Variants in PSKH1 observed in about 807,000 individuals in gnomAD.
The protein encoded by PSKH1 is serine/threonine-protein kinase H1.
In PSKH1, 12 loss-of-function variants were observed where a neutral mutation model predicts 26.7. The ratio of observed to expected loss-of-function variants is 0.45; its 90% CI spans 0.29 to 0.73. The LOEUF is 0.73. Among genes scored for constraint, PSKH1 ranks in the 30% least tolerant of loss-of-function variants. The probability of loss-of-function intolerance (pLI) is 0.11; values close to 1 mark genes in which losing one functional copy is unlikely to be tolerated. For missense variants in PSKH1, 431 were observed against 595.2 expected, an observed-to-expected ratio of 0.72 and a Z score of 2.87; for synonymous variants, 213 against 234.3, an observed-to-expected ratio of 0.91 and a Z score of 0.83.
intron 2 of PSKH1, among the ~76,000 whole-genome samples, chr16:67,915,042 T>C (rs182283275): frequency 6.6e-6 from 1 of 151,988 alleles, no homozygotes; most frequent in Non-Finnish European, 1.5e-5. Flanking sequence ...TACCTGAGGG[T>C]TGGAAAATGA....
At chr16:67,918,806 G>T (rs2058194495) in intron 2 of PSKH1, among the ~76,000 whole-genome samples, 1 of 152,052 alleles carries the variant, frequency 6.6e-6, no homozygotes, top group Admixed American at 6.6e-5. Context: ...TGGCCAGGCT[G>T]GTCTGGAACT....
At chr16:67,899,333 T>A in intron 1 of PSKH1, among the ~76,000 whole-genome samples, 1 of 143,776 alleles carries the variant, frequency 7.0e-6, no homozygotes, top group African/African-American at 2.6e-5. Context: ...CAGACCACAT[T>A]TTTTTTTTTT....
intron 1 of PSKH1, among the ~76,000 whole-genome samples, chr16:67,896,234 C>T (rs1352290324): frequency 6.6e-6 from 1 of 151,790 alleles, no homozygotes; most frequent in Non-Finnish European, 1.5e-5. Flanking sequence ...TCAGCCTCCT[C>T]AGTAGCTGGG....
chr16:67,899,323 C>T (rs915969736), intron 1 of PSKH1, among the ~76,000 whole-genome samples: 4 of 151,484 alleles, frequency 2.6e-5, no homozygotes, highest in Non-Finnish European at 5.9e-5. Flanking sequence ...ATCCAAGAGC[C>T]AGACCACATT....
In PSKH1 at chr16:67,927,633, C is replaced by G; in HGVS notation, c.1266C>G (p.Tyr422Ter). 1 of 1,603,394 alleles carries G rather than the reference C, an allele frequency of 6.2e-7. No individual in the cohort carries two copies. Residue 422 changes from tyrosine to a stop codon, truncating the protein, a stop_gained, in exon 3 of 3, where the codon TAC (tyrosine) becomes TAG (stop). Coordinates refer to ENST00000291041, the MANE Select transcript of PSKH1 (RefSeq NM_006742.3). LOFTEE classifies it high-confidence loss of function. This position sits in a 1 kb window ranked among gnomAD's most constrained non-coding sequence, Gnocchi z 5.5. ...RELNLRYQQQYNG is the reference protein window; with the variant it reads ...RELNLRYQQQ ...TCAACCTGCGCTACCAGCAGCAATA[C>G]AATGGCTGAGCCGCCTGGCTGTGCA...
Position 67,909,418 on chromosome 16 carries a change from T to C in PSKH1, c.669T>C (p.Asn223=). 1.9e-6 allele frequency: 3 copies of C among 1,613,316 alleles called. No homozygotes were observed. The highest frequency in any genetic ancestry group is 2.5e-6 in the Non-Finnish European group (3 of 1,179,962). The change falls in exon 2 of 3, where the codon AAT becomes AAC. Residue 223 remains asparagine (N), a synonymous_variant. Transcript: ENST00000291041. This position sits in a 1 kb window ranked among gnomAD's most constrained non-coding sequence, Gnocchi z 7.8. ...CACACCGAGACCTCAAACCTGAGAATCTGCTCTACTACCATCCGGGCACTG... is the reference window on the plus strand; with the variant it reads ...CACACCGAGACCTCAAACCTGAGAACCTGCTCTACTACCATCCGGGCACTG... ...GITHRDLKPE[N]LLYYHPGTDS...
At chr16:67,907,846 C>T (rs1201611796) in intron 1 of PSKH1, among the ~76,000 whole-genome samples, 1 of 152,110 alleles carries the variant, frequency 6.6e-6, no homozygotes, top group Non-Finnish European at 1.5e-5. Flanking sequence ...GGACCAACCC[C>T]TGTAGGAAGC....
chr16:67,923,534 G>A (rs192373600), intron 2 of PSKH1, among the ~76,000 whole-genome samples: 4 of 152,242 alleles, frequency 2.6e-5, no homozygotes, highest in African/African-American at 9.6e-5. Flanking sequence ...TATGGAAGCT[G>A]TTCTCTGATC....
At chr16:67,902,371 G>T (rs1470362300) in intron 1 of PSKH1, among the ~76,000 whole-genome samples, 1 of 152,050 alleles carries the variant, frequency 6.6e-6, no homozygotes, top group Non-Finnish European at 1.5e-5. Context: ...TGCGATCTCG[G>T]CTCACTGCAG....
In PSKH1 at chr16:67,927,579, C is replaced by A; in HGVS notation, c.1212C>A (p.Arg404=). 2 of 1,613,522 alleles carry A rather than the reference C, an allele frequency of 1.2e-6. No homozygotes were observed. The highest frequency in any genetic ancestry group is 1.7e-6 in the Non-Finnish European group (2 of 1,180,014). The part of the protein sequence containing the change: ...SSRSTRSNKS[R]RVRERELREL... ...GCTCCACACGCTCCAATAAGTCACG[C>A]CGTGTGCGGGAACGGGAGCTGCGGG... The change falls in exon 3 of 3, where the codon CGC becomes CGA. Residue 404 remains arginine, a synonymous_variant. Coordinates refer to ENST00000291041, the MANE Select transcript of PSKH1 (RefSeq NM_006742.3). This position sits in a 1 kb window ranked among gnomAD's most constrained non-coding sequence, Gnocchi z 5.5.
rs146186709 is a variant in PSKH1, at chr16:67,908,885, G to A, written c.136G>A (p.Gly46Ser). ...CTTCATCACAGAGGTGGACAGTGTT[G>A]GCCCTGTCAAAGCCGGGTTCCCAGC... ...KHFITEVDSV[G>S]PVKAGFPAAS... is the part of the protein sequence containing the mutation. Residue 46 changes from glycine to serine, a missense_variant, in exon 2 of 3, where the codon GGC (glycine) becomes AGC (serine). Coordinates refer to ENST00000291041, the MANE Select transcript of PSKH1 (RefSeq NM_006742.3). 1.2e-6 allele frequency: 2 copies of A among 1,614,020 alleles called. No homozygotes were observed. Among genetic ancestry groups the A allele is most frequent in the African/African-American group, 1.3e-5 (1 of 74,904 alleles).
At chr16:67,921,057 G>A (rs1261355057) in intron 2 of PSKH1, among the ~76,000 whole-genome samples, 2 of 152,010 alleles carry the variant, frequency 1.3e-5, no homozygotes, top group Non-Finnish European at 2.9e-5. Context: ...AAGGTGGGTG[G>A]CATCTGAGAT....
At chr16:67,894,718 C>T (rs564468721) in intron 1 of PSKH1, among the ~76,000 whole-genome samples, 23 of 152,288 alleles carry the variant, frequency 1.5e-4, no homozygotes, top group African/African-American at 4.8e-4. Context: ...GGCTAGCCTC[C>T]AGTAGCATTT....
intron 1 of PSKH1, among the ~76,000 whole-genome samples, chr16:67,897,964 C>T (rs569886903): frequency 1.3e-5 from 2 of 152,282 alleles, no homozygotes; most frequent in South Asian, 4.1e-4. Flanking sequence ...TCTCCTGCCT[C>T]AGCCTCCCGA....
At position 67,929,648 on chromosome 16, in the gene PSKH1, T is replaced by C; in HGVS notation, c.*2006T>C. On this transcript the variant is annotated 3_prime_UTR_variant, in exon 3 of 3. Transcript: ENST00000291041. Reference sequence around the variant, plus strand: ...CTCTGTATTCAGTAAACAGGCTGCCTCTCCAGGGAGGGCTGCCATTCATTC... The same window carrying C: ...CTCTGTATTCAGTAAACAGGCTGCCCCTCCAGGGAGGGCTGCCATTCATTC... 2 of 473,136 alleles carry C rather than the reference T, an allele frequency of 4.2e-6. No individual in the cohort carries two copies. Among genetic ancestry groups the C allele is most frequent in the Non-Finnish European group, 7.7e-6 (2 of 260,834 alleles). The allele number at this position is 473,136 out of a possible 1,614,324, so 29.3% of individuals were successfully genotyped here.
Position 67,927,528 on chromosome 16 carries a change from A to G in PSKH1, c.1161A>G (p.Lys387=). 1 of 1,614,028 alleles carries G rather than the reference A, an allele frequency of 6.2e-7. No homozygotes were observed. Among genetic ancestry groups the G allele is most frequent in the African/African-American group, 1.3e-5 (1 of 75,046 alleles). The change falls in exon 3 of 3, where the codon AAA becomes AAG. Residue 387 remains lysine, a synonymous_variant. Transcript: ENST00000291041. The surrounding 1 kb of genome is among the most constrained non-coding windows in gnomAD (Gnocchi z 5.5). ...KRASSRCQST[K]SAQSTRSSRS... is the part of the protein sequence containing the mutation. ...CCTCCTCGCGCTGCCAGAGCACCAA[A>G]TCTGCCCAGTCCACGCGTTCCAGCC...
chr16:67,910,749 G>A (rs1331183209), intron 2 of PSKH1, among the ~76,000 whole-genome samples: 3 of 152,108 alleles, frequency 2.0e-5, no homozygotes, highest in East Asian at 1.9e-4. Flanking sequence ...GTCATCCGCC[G>A]GCCTTGGCCT....
At chr16:67,902,921 C>T (rs1327527264) in intron 1 of PSKH1, 2 of 152,060 alleles carry the variant, frequency 1.3e-5, no homozygotes, top group African/African-American at 4.8e-5. Context: ...GTTGTGTTTT[C>T]CCTGAAAGAA....
At chr16:67,893,807 G>C (rs921101155) in intron 1 of PSKH1, among the ~76,000 whole-genome samples, 4 of 152,198 alleles carry the variant, frequency 2.6e-5, no homozygotes, top group African/African-American at 9.6e-5. Context: ...CCTTGTGCAG[G>C]CTGGGAAATA....
Sources: gnomAD v4.1 joint callset for allele counts (sites outside exome capture counted in the v4.1 genomes callset) on GRCh38, gnomAD v4.1.1 for gene constraint, Gnocchi (gnomAD v3.1) non-coding constraint, MANE v1.5 for transcripts, NCBI Gene and HGNC (gene_info 2026-07-23, HGNC 2026-07-21) for gene names.